Variants in MBNL1 observed in about 807,000 individuals in gnomAD.
The protein encoded by MBNL1 is muscleblind-like protein 1.
In MBNL1, 8 loss-of-function variants were observed where a neutral mutation model predicts 42.2. That is an observed-to-expected ratio of 0.19 (90% CI 0.11 to 0.34). The LOEUF (loss-of-function observed/expected upper bound fraction) is 0.34. Among genes scored for constraint, MBNL1 ranks in the 10% least tolerant of loss-of-function variants. The pLI is 1.00. For missense variants in MBNL1, 309 were observed against 495.3 expected, an observed-to-expected ratio of 0.62 and a Z score of 3.57; for synonymous variants, 169 against 173.9, an observed-to-expected ratio of 0.97 and a Z score of 0.22.
chr3:152,328,509 A>G (rs2081958245), intron 2 of MBNL1, among the ~76,000 whole-genome samples: 1 of 152,180 alleles, frequency 6.6e-6, no homozygotes, highest in African/African-American at 2.4e-5. Flanking sequence ...TAGCTGTTCT[A>G]GATATTTGAG....
chr3:152,338,296 G>A (rs2091865095), intron 2 of MBNL1: 1 of 985,386 alleles, frequency 1.0e-6, no homozygotes, highest in Admixed American at 6.1e-5. Flanking sequence ...TTCTCCCAGG[G>A]TGTTGTGCTG....
At chr3:152,284,850 C>A (rs1311688816) in intron 1 of MBNL1, among the ~76,000 whole-genome samples, 1 of 152,064 alleles carries the variant, frequency 6.6e-6, no homozygotes, top group African/African-American at 2.4e-5. Flanking sequence ...GCTCGGAGGG[C>A]TGATGAATAA....
At chr3:152,392,060 T>C (rs2097742702) in intron 2 of MBNL1, among the ~76,000 whole-genome samples, 1 of 147,500 alleles carries the variant, frequency 6.8e-6, no homozygotes, top group Non-Finnish European at 1.5e-5. Flanking sequence ...AGCTCATCAT[T>C]AAGTCCTGTC....
At chr3:152,301,362 G>T (rs2060654257) in intron 2 of MBNL1, among the ~76,000 whole-genome samples, 1 of 152,100 alleles carries the variant, frequency 6.6e-6, no homozygotes, top group Non-Finnish European at 1.5e-5. Flanking sequence ...TAATTCTTTG[G>T]ACCTTTGAGG....
intron 2 of MBNL1, among the ~76,000 whole-genome samples, chr3:152,308,341 G>T (rs1348654627): frequency 6.6e-6 from 1 of 152,184 alleles, no homozygotes; most frequent in African/African-American, 2.4e-5. Flanking sequence ...TCAGTTTAGG[G>T]TTCCAGAAAT....
At chr3:152,352,167 CTTTGT>C (rs574872127) in intron 2 of MBNL1, among the ~76,000 whole-genome samples, 30 of 152,188 alleles carry the variant, frequency 2.0e-4, no homozygotes, top group South Asian at 1.5e-3. Context: ...CCTGAAAATA[CTTTGT>C]TTTATTTCTC....
rs750339546 is a variant in MBNL1 at position 152,363,459 on chromosome 3, G to T, written c.175-51482G>T. Among the ~76,000 whole-genome samples the T allele has an allele frequency of 1.8e-4, 28 of 152,182 alleles. 1 individual carries two copies. Among genetic ancestry groups the T allele is most frequent in the Admixed American group, 5.9e-4 (9 of 15,260 alleles). ...TAAGATCCTTCTAGCTATTATAGAAGAGCAGTTCATGGAAGACCAAGTTTC... is the reference window on the plus strand; with the variant it reads ...TAAGATCCTTCTAGCTATTATAGAATAGCAGTTCATGGAAGACCAAGTTTC... On this transcript the variant is annotated intron_variant, in intron 2 of 9. Transcript: ENST00000324210.
intron 1 of MBNL1, among the ~76,000 whole-genome samples, chr3:152,292,588 T>C (rs952813435): frequency 2.6e-5 from 4 of 152,214 alleles, no homozygotes; most frequent in Non-Finnish European, 4.4e-5. Flanking sequence ...GCAGGCCACA[T>C]TGGCAGTCTC....
chr3:152,252,342 C>T (rs2034765684), intron 2 of MBNL1, among the ~76,000 whole-genome samples: 2 of 143,846 alleles, frequency 1.4e-5, no homozygotes, highest in South Asian at 5.0e-4. Flanking sequence ...GTGATCACAA[C>T]ACTCCTTTTA....
chr3:152,318,180 C>CT (rs1319141249), intron 2 of MBNL1, among the ~76,000 whole-genome samples: 3 of 152,158 alleles, frequency 2.0e-5, no homozygotes, highest in Non-Finnish European at 2.9e-5. Flanking sequence ...GGAAGTCATT[C>CT]TTATGACTAG....
In MBNL1 at chr3:152,465,606, G is replaced by C. The variant is rs1490853672; in HGVS notation, c.*3240G>C. ...ATCTGCTGAAAGGACAAATGTGCTTGGTTTTACTATTATGTAATCACAACT... is the reference window on the plus strand; with the variant it reads ...ATCTGCTGAAAGGACAAATGTGCTTCGTTTTACTATTATGTAATCACAACT... On this transcript the variant is annotated 3_prime_UTR_variant, in exon 10 of 10. Coordinates refer to ENST00000324210, the MANE Select transcript of MBNL1 (RefSeq NM_021038.5). 1.3e-5 allele frequency: 2 copies of C among 152,436 alleles called. No individual in the cohort carries two copies. The highest frequency in any genetic ancestry group is 2.9e-5 in the Non-Finnish European group (2 of 68,018). 9.4% of individuals were successfully genotyped at this position (152,436 alleles called of 1,614,324 possible).
At chr3:152,299,371 T>G (rs2059906469) in intron 1 of MBNL1, 34 bp from the exon 2 acceptor site, 1 of 235,192 alleles carries the variant, frequency 4.3e-6, no homozygotes, top group Middle Eastern at 1.4e-3. Flanking sequence ...GAAGTGCTAC[T>G]TAGTAAATCT....
intron 8 of MBNL1, chr3:152,458,214 C>G: frequency 1.2e-6 from 2 of 1,610,530 alleles, no homozygotes; most frequent in Non-Finnish European, 1.7e-6. Context: ...CTTCATTATG[C>G]TTGGAGCACA....
intron 2 of MBNL1, among the ~76,000 whole-genome samples, chr3:152,406,578 T>C (rs2098435265): frequency 6.6e-6 from 1 of 152,194 alleles, no homozygotes; most frequent in African/African-American, 2.4e-5. Context: ...TGTAGAAGTG[T>C]AGAGTTTCAG....
intron 2 of MBNL1, among the ~76,000 whole-genome samples, chr3:152,401,752 G>A (rs1420376410): frequency 6.6e-6 from 1 of 152,098 alleles, no homozygotes; most frequent in Non-Finnish European, 1.5e-5. Context: ...GCGGCTGGAC[G>A]TGGTGGCTCA....
chr3:152,359,888 A>G (rs1233971690), intron 2 of MBNL1, among the ~76,000 whole-genome samples: 3 of 152,152 alleles, frequency 2.0e-5, no homozygotes, highest in African/African-American at 7.2e-5. Flanking sequence ...CTGCAGTTAG[A>G]CCAGTCTCAC....
chr3:152,369,333 ACCAGCCTAGCACC>A (rs1200729831), intron 2 of MBNL1, among the ~76,000 whole-genome samples: 2 of 152,254 alleles, frequency 1.3e-5, no homozygotes, highest in African/African-American at 4.8e-5. Context: ...CATATGTTGA[ACCAGCCTAGCACC>A]CCAGGGATGA....
chr3:152,332,662 G>A (rs1054071913), intron 2 of MBNL1, among the ~76,000 whole-genome samples: 7 of 151,074 alleles, frequency 4.6e-5, no homozygotes, highest in Admixed American at 4.0e-4. Context: ...TTCACCATAA[G>A]AGTATTTTCT....
Position 152,299,708 on chromosome 3 carries a change from T to G in MBNL1, c.-486T>G. On this transcript the variant is annotated 5_prime_UTR_variant, in exon 2 of 10. Transcript: ENST00000324210. ...CGATTTTGCTCTAAACTGCTGCATC[T>G]GTCTATGCCAAACTAATCAATACCG... 1 of 398,674 alleles carries G rather than the reference T, an allele frequency of 2.5e-6. No individual in the cohort carries two copies. The highest frequency in any genetic ancestry group is 4.4e-6 in the Non-Finnish European group (1 of 226,104). 24.7% of individuals were successfully genotyped at this position (398,674 alleles called of 1,614,324 possible). A position where few individuals can be genotyped will look rare whatever the true frequency, so the allele number is the denominator to read the frequency against.
Sources: gnomAD v4.1 joint callset for allele counts (sites outside exome capture counted in the v4.1 genomes callset) on GRCh38, gnomAD v4.1.1 for gene constraint, MANE v1.5 for transcripts, NCBI Gene and HGNC (gene_info 2026-07-23, HGNC 2026-07-21) for gene names.